EPS15: variants seen among roughly 807,000 people sequenced by gnomAD.
The protein encoded by EPS15 is epidermal growth factor receptor substrate 15.
Under a neutral mutation model 113.8 loss-of-function variants are expected in EPS15, and 72 were observed. The observed-to-expected ratio is 0.63, with a 90% CI of 0.52 to 0.77. The LOEUF (loss-of-function observed/expected upper bound fraction) is 0.77. Ranked by LOEUF, EPS15 falls within the 30% of genes least tolerant of loss-of-function variation. The pLI, the probability that EPS15 is intolerant of heterozygous loss-of-function variation, is 0.00. For missense variants in EPS15, 1,048 were observed against 1,045.8 expected, an observed-to-expected ratio of 1.00 and a Z score of -0.03; for synonymous variants, 344 against 363.4, an observed-to-expected ratio of 0.95 and a Z score of 0.61.
intron 1 of EPS15, among the ~76,000 whole-genome samples, chr1:51,517,834 A>C (rs1163288894): frequency 1.3e-5 from 2 of 152,180 alleles, no homozygotes; most frequent in Admixed American, 1.3e-4. Context: ...CGGGTTAGTT[A>C]TTTTACATGA....
chr1:51,476,434 A>AGG (rs762967003), intron 2 of EPS15, among the ~76,000 whole-genome samples: 25 of 152,104 alleles, frequency 1.6e-4, no homozygotes, highest in Non-Finnish European at 2.5e-4. Context: ...GGGAGCGTGT[A>AGG]TGTGTTGAGG....
At chr1:51,396,893 T>C (rs559949118) in intron 20 of EPS15, among the ~76,000 whole-genome samples, 1 of 151,882 alleles carries the variant, frequency 6.6e-6, no homozygotes, top group African/African-American at 2.4e-5. Context: ...TTTTTTTTTT[T>C]AAATTGAGAC....
chr1:51,376,394 T>C (rs1479276342), intron 21 of EPS15, among the ~76,000 whole-genome samples: 1 of 152,240 alleles, frequency 6.6e-6, no homozygotes, highest in Non-Finnish European at 1.5e-5. Context: ...CTGGGCACTG[T>C]GGCTCACGTC....
intron 21 of EPS15, among the ~76,000 whole-genome samples, chr1:51,374,251 C>CAAAAAAATTTCTGGCACT (rs1646730729): frequency 6.6e-6 from 1 of 152,020 alleles, no homozygotes; most frequent in African/African-American, 2.4e-5. Context: ...ATATTCCACA[C>CAAAAAAATTTCTGGCACT]AAAAAAATTT....
At chr1:51,383,337 T>C (rs901413244) in intron 21 of EPS15, among the ~76,000 whole-genome samples, 1 of 152,318 alleles carries the variant, frequency 6.6e-6, no homozygotes, top group East Asian at 1.9e-4. Context: ...GGATGCGTGC[T>C]CTTACCATTT....
At chr1:51,497,483 T>C (rs944697104) in intron 1 of EPS15, among the ~76,000 whole-genome samples, 2 of 152,232 alleles carry the variant, frequency 1.3e-5, no homozygotes, top group African/African-American at 4.8e-5. Context: ...ATGGATATGG[T>C]GACTATGATG....
At chr1:51,488,202 A>C (rs1428370387) in intron 1 of EPS15, among the ~76,000 whole-genome samples, 4 of 152,198 alleles carry the variant, frequency 2.6e-5, no homozygotes, top group Non-Finnish European at 5.9e-5. Flanking sequence ...ATAAAACTGC[A>C]TATGAATTTT....
intron 1 of EPS15, among the ~76,000 whole-genome samples, chr1:51,508,273 AAAG>A: frequency 7.3e-6 from 1 of 136,118 alleles, no homozygotes. Context: ...AGAGAGAGAG[AAAG>A]AGAGAAAGAG....
At chr1:51,516,656 T>A (rs1644723558) in intron 1 of EPS15, among the ~76,000 whole-genome samples, 1 of 152,222 alleles carries the variant, frequency 6.6e-6, no homozygotes, top group Non-Finnish European at 1.5e-5. Flanking sequence ...TCAGTTTTGC[T>A]TAATTGGTAA....
intron 21 of EPS15, among the ~76,000 whole-genome samples, chr1:51,381,517 CG>C (rs921537964): frequency 6.6e-6 from 1 of 152,032 alleles, no homozygotes; most frequent in African/African-American, 2.4e-5. Flanking sequence ...TGCTTGAACC[CG>C]GGAGGCAGAG....
chr1:51,361,573 A>C (rs943259907), intron 23 of EPS15, among the ~76,000 whole-genome samples: 5 of 152,200 alleles, frequency 3.3e-5, no homozygotes, highest in Non-Finnish European at 5.9e-5. Flanking sequence ...GCAGCTAATG[A>C]AACAAATAGC....
intron 21 of EPS15, among the ~76,000 whole-genome samples, chr1:51,388,182 A>G (rs892049898): frequency 3.3e-5 from 5 of 152,206 alleles, no homozygotes; most frequent in African/African-American, 1.2e-4. Flanking sequence ...AAAACCACTC[A>G]ACTACATGGA....
At chr1:51,469,745 T>C (rs1184820628) in intron 4 of EPS15, among the ~76,000 whole-genome samples, 2 of 152,168 alleles carry the variant, frequency 1.3e-5, no homozygotes, top group Non-Finnish European at 2.9e-5. Flanking sequence ...TATTTCAAGA[T>C]ATCCCATTTT....
chr1:51,471,780 A>T lies in EPS15; in HGVS notation c.166-43T>A, dbSNP rs1410606911. On this transcript the variant is annotated intron_variant, in intron 3 of 24. Coordinates refer to ENST00000371733, the MANE Select transcript of EPS15 (RefSeq NM_001981.3). ...AAAATATCAATGTATATTTTAAACAAAAGTCATCTGAATGATAAATTAAAT... is the reference window on the plus strand; with the variant it reads ...AAAATATCAATGTATATTTTAAACATAAGTCATCTGAATGATAAATTAAAT... 4.4e-6 allele frequency: 6 copies of T among 1,356,972 alleles called. No individual in the cohort carries two copies. In the African/African-American group the frequency reaches 8.6e-5, roughly 20 times the overall value. The allele number at this position is 1,356,972 out of a possible 1,614,324, so 84.1% of individuals were successfully genotyped here.
At chr1:51,452,078 G>T (rs1653619802) in intron 8 of EPS15, among the ~76,000 whole-genome samples, 1 of 150,924 alleles carries the variant, frequency 6.6e-6, no homozygotes. Flanking sequence ...ATGAGGATTA[G>T]CCATGTTGCC....
chr1:51,410,763 A>C (rs1242373695), intron 13 of EPS15, among the ~76,000 whole-genome samples: 2 of 152,246 alleles, frequency 1.3e-5, no homozygotes, highest in East Asian at 3.8e-4. Context: ...ATCTAAGAAC[A>C]GAAGAGAAAC....
At chr1:51,410,562 CCTCATGCTTAATAA>C (rs1461486664) in intron 13 of EPS15, among the ~76,000 whole-genome samples, 1 of 152,142 alleles carries the variant, frequency 6.6e-6, no homozygotes, top group Non-Finnish European at 1.5e-5. Context: ...ACATACCAGA[CCTCATGCTTAATAA>C]CAAGAACTAC....
chr1:51,488,965 C>T (rs1245098006), intron 1 of EPS15, among the ~76,000 whole-genome samples: 1 of 152,064 alleles, frequency 6.6e-6, no homozygotes, highest in East Asian at 1.9e-4. Context: ...TCTAGAGAAG[C>T]TATCTTGGAT....
rs969526174 is a variant in EPS15 at position 51,472,856 on chromosome 1, T to C, written c.165+3A>G. The C allele has an allele frequency of 3.7e-6, 6 of 1,605,406 alleles. No homozygotes were observed. The highest frequency in any genetic ancestry group is 5.1e-6 in the Non-Finnish European group (6 of 1,172,166). On this transcript the variant is annotated splice_donor_region_variant and intron_variant, in intron 3 of 24. Transcript: ENST00000371733. ...TAATCTAGTTATAATGAACGAATAC[T>C]ACCTTTCCAAGTATCAAGTCTGGAA... is the stretch of plus-strand genomic sequence containing the variant.
Sources: gnomAD v4.1 joint callset for allele counts (sites outside exome capture counted in the v4.1 genomes callset) on GRCh38, gnomAD v4.1.1 for gene constraint, MANE v1.5 for transcripts, NCBI Gene and HGNC (gene_info 2026-07-23, HGNC 2026-07-21) for gene names.